The following FHAD1 variants were observed in gnomAD, a reference collection of about 807,000 sequenced individuals.
The protein encoded by FHAD1 is forkhead associated phosphopeptide binding domain 1, also known as forkhead-associated domain-containing protein 1.
Under a neutral mutation model 191.3 loss-of-function variants are expected in FHAD1, and 146 were observed. The ratio of observed to expected loss-of-function variants is 0.76; its 90% CI spans 0.67 to 0.88. The LOEUF is 0.88. Ranked by LOEUF, FHAD1 falls within the 40% of genes least tolerant of loss-of-function variation. The pLI is 0.00. For synonymous variants in FHAD1, 616 were observed against 672.3 expected, an observed-to-expected ratio of 0.92 and a Z score of 1.29; for missense variants, 1,635 against 1,785.8, an observed-to-expected ratio of 0.92 and a Z score of 1.52.
chr1:15,294,386 G>A (rs545473151), intron 4 of FHAD1, among the ~76,000 whole-genome samples: 6 of 152,216 alleles, frequency 3.9e-5, no homozygotes, highest in African/African-American at 1.4e-4. Flanking sequence ...ATTGTTTGTT[G>A]TGGGGCTGTC....
At position 15,381,230 on chromosome 1, in the gene FHAD1, G is replaced by T; in HGVS notation, c.3802-1G>T. 6.5e-7 allele frequency: 1 copy of T among 1,550,052 alleles called. No homozygotes were observed. Among genetic ancestry groups the T allele is most frequent in the Non-Finnish European group, 8.7e-7 (1 of 1,145,658 alleles). ...CTTATGCGCGAACGTTTTCCTTGTA[G>T]TACCTGGATATGAGCAAAACCCTCG... On this transcript the variant is annotated splice_acceptor_variant, in intron 29 of 33. Coordinates refer to ENST00000688493, the MANE Select transcript of FHAD1 (RefSeq NM_001391957.1). LOFTEE classifies it high-confidence loss of function. The surrounding 1 kb of genome is among the most constrained non-coding windows in gnomAD (Gnocchi z 4.6).
intron 22 of FHAD1, among the ~76,000 whole-genome samples, chr1:15,361,292 T>C (rs994133829): frequency 2.0e-5 from 3 of 152,210 alleles, no homozygotes; most frequent in Non-Finnish European, 4.4e-5. Context: ...CATTTTTTCA[T>C]GGATGGGACT....
intron 2 of FHAD1, among the ~76,000 whole-genome samples, chr1:15,270,529 G>A (rs1194681575): frequency 6.6e-6 from 1 of 152,126 alleles, no homozygotes; most frequent in African/African-American, 2.4e-5. Context: ...CTCCTGGCTT[G>A]TAATGTGTAA....
At chr1:15,291,698 G>A (rs1441201586) in intron 4 of FHAD1, among the ~76,000 whole-genome samples, 2 of 152,210 alleles carry the variant, frequency 1.3e-5, no homozygotes, top group Admixed American at 6.5e-5. Context: ...CAGGATGGCT[G>A]TAGTTCAGGG....
chr1:15,357,351 C>T (rs1248849531), intron 20 of FHAD1, among the ~76,000 whole-genome samples: 2 of 152,150 alleles, frequency 1.3e-5, no homozygotes, highest in African/African-American at 2.4e-5. Context: ...TGGGGCCAGG[C>T]GCGTTGGCAC....
Position 15,397,313 on chromosome 1 carries a change from C to G in FHAD1, c.4340C>G (p.Ala1447Gly), listed in dbSNP as rs1346831836. 2 of 1,528,224 alleles carry G rather than the reference C, an allele frequency of 1.3e-6. No homozygotes were observed. Among genetic ancestry groups the G allele is most frequent in the Non-Finnish European group, 1.8e-6 (2 of 1,132,404 alleles). 94.7% of individuals were successfully genotyped at this position (1,528,224 alleles called of 1,614,324 possible). ...TTGTTAAAGGTTGGAACCAGAAAAG[C>G]CTCCCTAAAGATGGACCAAGAAAGA... ...NSNSQVGTRKASLKMDQEREM... is the reference protein window; with the variant it reads ...NSNSQVGTRKGSLKMDQEREM... Residue 1447 changes from alanine (A) to glycine (G), a missense_variant, in exon 34 of 34, where the codon GCC becomes GGC. Physicochemically the swap from Ala to Gly is moderately conservative, Grantham distance 60. Coordinates refer to ENST00000688493, the MANE Select transcript of FHAD1 (RefSeq NM_001391957.1).
chr1:15,254,307 C>T (rs939858551), intron 2 of FHAD1, among the ~76,000 whole-genome samples: 2 of 152,256 alleles, frequency 1.3e-5, no homozygotes, highest in African/African-American at 4.8e-5. Flanking sequence ...TCTCTTAGAC[C>T]GTTTTCTGGC....
intron 14 of FHAD1, among the ~76,000 whole-genome samples, chr1:15,332,921 G>T (rs1390265318): frequency 6.6e-6 from 1 of 152,148 alleles, no homozygotes; most frequent in East Asian, 1.9e-4. Context: ...ACAAGAAGGG[G>T]ATAAAGAAAA....
chr1:15,279,926 C>T (rs377607016), intron 3 of FHAD1, among the ~76,000 whole-genome samples: 2 of 152,190 alleles, frequency 1.3e-5, no homozygotes, highest in African/African-American at 4.8e-5. Flanking sequence ...AGCATTCCTC[C>T]TACCTAAGCT....
intron 15 of FHAD1, among the ~76,000 whole-genome samples, chr1:15,339,860 C>G (rs1481484596): frequency 6.6e-6 from 1 of 151,906 alleles, no homozygotes; most frequent in Non-Finnish European, 1.5e-5. Flanking sequence ...GAGTCTCGCT[C>G]TGTTGCCCAG....
At chr1:15,356,614 G>C (rs1436428307) in intron 20 of FHAD1, among the ~76,000 whole-genome samples, 1 of 152,208 alleles carries the variant, frequency 6.6e-6, no homozygotes, top group African/African-American at 2.4e-5. Context: ...ACTCACGCCT[G>C]TAATCCCAGC....
chr1:15,353,708 AAAAAAAAAAAAAAAAAAAGAAAAG>A (rs979102948), intron 20 of FHAD1, among the ~76,000 whole-genome samples: 2 of 143,246 alleles, frequency 1.4e-5, no homozygotes, highest in African/African-American at 5.7e-5. Context: ...CCATCTCAAA[AAAAAAAAAAAAAAAAAAAGAAAAG>A]AAAAAAAAAA....
At position 15,360,537 on chromosome 1, in the gene FHAD1, G is replaced by A; in HGVS notation, c.2796G>A (p.Glu932=). Residue 932 remains glutamate, a synonymous_variant, in exon 22 of 34, where the codon GAG becomes GAA. Coordinates refer to ENST00000688493, the MANE Select transcript of FHAD1 (RefSeq NM_001391957.1). ...AGATGGTAAAGGCCCTCCAGGATGA[G>A]CAGGAATCACAGAGACACGGGTTTG... The part of the protein sequence containing the change: ...QQKMVKALQD[E]QESQRHGFEE... 6.4e-7 allele frequency: 1 copy of A among 1,551,928 alleles called. No homozygotes were observed. The highest frequency in any genetic ancestry group is 8.7e-7 in the Non-Finnish European group (1 of 1,146,998).
At chr1:15,272,776 T>C (rs895542916) in intron 3 of FHAD1, among the ~76,000 whole-genome samples, 2 of 152,144 alleles carry the variant, frequency 1.3e-5, no homozygotes, top group African/African-American at 4.8e-5. Flanking sequence ...ATAGAACCAG[T>C]TTTCCAAAAA....
chr1:15,247,164 C>T (rs949746013), upstream of FHAD1: 1 of 154,922 alleles, frequency 6.5e-6, no homozygotes, highest in Non-Finnish European at 1.4e-5. Context: ...TGCCACGCCC[C>T]CTCTGCCGCG....
chr1:15,338,947 G>T (rs1685401492), intron 14 of FHAD1, among the ~76,000 whole-genome samples: 1 of 152,178 alleles, frequency 6.6e-6, no homozygotes, highest in Admixed American at 6.5e-5. Context: ...GTGTTCTGTT[G>T]ATGGGTTGTT....
At chr1:15,384,611 G>C (rs528098955) in intron 31 of FHAD1, 1 of 152,196 alleles carries the variant, frequency 6.6e-6, no homozygotes, top group Non-Finnish European at 1.5e-5. Context: ...CACACAATGC[G>C]GGCTGGCCAG....
At chr1:15,371,846 C>T (rs1698203435) in intron 26 of FHAD1, among the ~76,000 whole-genome samples, 2 of 152,210 alleles carry the variant, frequency 1.3e-5, no homozygotes, top group South Asian at 4.1e-4. Context: ...GGGCTGCCTC[C>T]CTCTCACCGC....
At chr1:15,290,968 C>A (rs1209287792) in intron 4 of FHAD1, among the ~76,000 whole-genome samples, 1 of 152,136 alleles carries the variant, frequency 6.6e-6, no homozygotes, top group East Asian at 1.9e-4. Context: ...CCCACCTCGG[C>A]CTCCCAAAGT....
Sources: allele counts gnomAD v4.1 joint callset (sites outside exome capture counted in the v4.1 genomes callset), GRCh38; gene constraint gnomAD v4.1.1; non-coding constraint Gnocchi (gnomAD v3.1); transcripts MANE v1.5; gene names NCBI Gene and HGNC (gene_info 2026-07-23, HGNC 2026-07-21).